The following IMMP2L variants were observed in gnomAD, a reference collection of about 807,000 sequenced individuals.
IMMP2L encodes the protein inner mitochondrial membrane peptidase subunit 2.
A neutral mutation model predicts 19.3 loss-of-function variants in IMMP2L; 18 were observed. The observed-to-expected ratio is 0.93, with a 90% confidence interval of 0.64 to 1.38. The LOEUF is 1.38. IMMP2L is among the 40% of genes most tolerant of loss of function. The probability of loss-of-function intolerance (pLI) is 0.00; values close to 1 mark genes in which losing one functional copy is unlikely to be tolerated. For synonymous variants in IMMP2L, 76 were observed against 73.0 expected, an observed-to-expected ratio of 1.04 and a Z score of -0.21; for missense variants, 233 against 218.2, an observed-to-expected ratio of 1.07 and a Z score of -0.43.
intron 5 of IMMP2L, among the ~76,000 whole-genome samples, chr7:110,819,943 ATTTTG>A (rs778346015): frequency 3.7e-4 from 56 of 152,014 alleles, no homozygotes; most frequent in Non-Finnish European, 7.1e-4. Flanking sequence ...CATGCTGTTC[ATTTTG>A]TTTTATTTAA....
intron 3 of IMMP2L, among the ~76,000 whole-genome samples, chr7:111,299,686 T>A (rs1822015237): frequency 1.3e-5 from 2 of 152,026 alleles, no homozygotes; most frequent in Non-Finnish European, 2.9e-5. Flanking sequence ...TACTGTAGTT[T>A]CTGATCATAA....
intron 3 of IMMP2L, among the ~76,000 whole-genome samples, chr7:111,114,410 T>C (rs1440685938): frequency 1.3e-5 from 2 of 152,068 alleles, no homozygotes; most frequent in African/African-American, 2.4e-5. Context: ...ATCCTATCGG[T>C]ATCCATCCAA....
rs550547242 is a variant in IMMP2L, at chr7:110,678,154, T to C, written c.409-14433A>G. On this transcript the variant is annotated intron_variant, in intron 5 of 5. Transcript: ENST00000405709. ...CGAAAGAGTTCCAAAAATATGAAGT[T>C]TTCTGTAACCCTCTGGTAGCAAAAT... 4.6e-5 allele frequency among the ~76,000 whole-genome samples: 7 copies of C among 152,240 alleles called. No individual in the cohort carries two copies. In the South Asian group the frequency reaches 1.0e-3, roughly 23 times the overall value.
intron 3 of IMMP2L, among the ~76,000 whole-genome samples, chr7:111,456,081 A>C (rs1325588043): frequency 1.3e-5 from 2 of 151,680 alleles, no homozygotes; most frequent in Non-Finnish European, 2.9e-5. Context: ...GTAACACTAG[A>C]ATAATCCACA....
intron 2 of IMMP2L, among the ~76,000 whole-genome samples, chr7:111,505,652 G>A (rs1278855955): frequency 6.6e-6 from 1 of 152,096 alleles, no homozygotes; most frequent in Non-Finnish European, 1.5e-5. Flanking sequence ...AAAAAATGAT[G>A]AGTTCATGTC....
chr7:111,349,260 A>G (rs1239964062), intron 3 of IMMP2L, among the ~76,000 whole-genome samples: 5 of 152,174 alleles, frequency 3.3e-5, no homozygotes, highest in Non-Finnish European at 7.4e-5. Flanking sequence ...GTTAATAACA[A>G]TAAATTATTT....
At chr7:111,442,698 T>G (rs1422571214) in intron 3 of IMMP2L, among the ~76,000 whole-genome samples, 1 of 151,862 alleles carries the variant, frequency 6.6e-6, no homozygotes, top group Non-Finnish European at 1.5e-5. Context: ...AAACTAGTAC[T>G]GGATGCAGCT....
intron 2 of IMMP2L, among the ~76,000 whole-genome samples, chr7:111,520,336 T>C (rs1846217916): frequency 6.6e-6 from 1 of 152,030 alleles, no homozygotes; most frequent in Non-Finnish European, 1.5e-5. Context: ...GGAAGTAGAA[T>C]ATAAAGGCAG....
chr7:110,961,005 G>C (rs1818874067), intron 4 of IMMP2L, among the ~76,000 whole-genome samples: 1 of 151,760 alleles, frequency 6.6e-6, no homozygotes. Flanking sequence ...CACCCACTAG[G>C]ATGGCTATAA....
intron 3 of IMMP2L, among the ~76,000 whole-genome samples, chr7:111,312,937 G>GA (rs1267443501): frequency 2.0e-5 from 3 of 151,710 alleles, no homozygotes; most frequent in African/African-American, 4.8e-5. Flanking sequence ...GAAGGGGTTA[G>GA]AAAAAAAAGG....
Position 111,138,976 on chromosome 7 carries a change from C to T in IMMP2L, c.240-175411G>A, listed in dbSNP as rs138513821. Among the ~76,000 whole-genome samples, 137 of 152,114 alleles carry T rather than the reference C, an allele frequency of 9.0e-4. 1 individual carries two copies. The East Asian group carries it at 0.021, about 23-fold the overall frequency. On this transcript the variant is annotated intron_variant, in intron 3 of 5. Coordinates refer to ENST00000405709, the MANE Select transcript of IMMP2L (RefSeq NM_032549.4). ...AAGACCACAACTATAGGAGAAAATG[C>T]CATACTGCTAAATGTTTTTCAGTTG...
chr7:111,331,518 A>G (rs1045883560), intron 3 of IMMP2L, among the ~76,000 whole-genome samples: 1 of 151,836 alleles, frequency 6.6e-6, no homozygotes, highest in Admixed American at 6.6e-5. Flanking sequence ...TATAGTCAAT[A>G]ATAGAGTACT....
Position 110,853,773 on chromosome 7 carries a change from CA to C in IMMP2L, c.408+32819del, listed in dbSNP as rs140949809. Among the ~76,000 whole-genome samples the C allele has an allele frequency of 5.5e-3, 829 of 151,996 alleles. 10 individuals are homozygous for C. Among genetic ancestry groups the C allele is most frequent in the African/African-American group, 0.019 (795 of 41,498 alleles). On this transcript the variant is annotated intron_variant, in intron 5 of 5. Transcript: ENST00000405709. ...ACAATTGTTAAAGATAAATGGTAAA[CA>C]TAATTTTTATGTAGGTTTCTTCACA...
At chr7:111,240,783 A>G (rs866036923) in intron 3 of IMMP2L, among the ~76,000 whole-genome samples, 5 of 151,892 alleles carry the variant, frequency 3.3e-5, no homozygotes, top group South Asian at 4.2e-4. Flanking sequence ...CCTGAAGCAT[A>G]CTAGTCTGGT....
At chr7:110,863,968 A>T (rs934991897) in intron 5 of IMMP2L, among the ~76,000 whole-genome samples, 3 of 152,130 alleles carry the variant, frequency 2.0e-5, no homozygotes, top group Non-Finnish European at 1.5e-5. Flanking sequence ...AGGAAGAAGT[A>T]AGGATGCATA....
chr7:110,824,283 C>A (rs761794720), intron 5 of IMMP2L, among the ~76,000 whole-genome samples: 16 of 152,188 alleles, frequency 1.1e-4, no homozygotes, highest in South Asian at 8.3e-4. Context: ...TCCCATGTAA[C>A]TCCAGTTTCT....
intron 3 of IMMP2L, among the ~76,000 whole-genome samples, chr7:111,407,589 T>C (rs1328436163): frequency 2.0e-5 from 3 of 151,980 alleles, no homozygotes; most frequent in Non-Finnish European, 4.4e-5. Flanking sequence ...TTAAATGAAA[T>C]ATCCAGAAGG....
intron 4 of IMMP2L, among the ~76,000 whole-genome samples, chr7:110,905,929 A>G (rs1812405154): frequency 6.6e-6 from 1 of 152,220 alleles, no homozygotes; most frequent in South Asian, 2.1e-4. Flanking sequence ...GTATGAATCC[A>G]TAAGTTGAAG....
At chr7:111,154,222 T>C (rs190778971) in intron 3 of IMMP2L, among the ~76,000 whole-genome samples, 13 of 152,284 alleles carry the variant, frequency 8.5e-5, no homozygotes, top group Admixed American at 8.5e-4. Flanking sequence ...TTAAAACTAC[T>C]TTAAAGTACC....
Sources: gnomAD v4.1 joint callset for allele counts (sites outside exome capture counted in the v4.1 genomes callset) on GRCh38, gnomAD v4.1.1 for gene constraint, MANE v1.5 for transcripts, NCBI Gene and HGNC (gene_info 2026-07-23, HGNC 2026-07-21) for gene names.